The following ATP8B4 variants were observed in gnomAD, a reference collection of about 807,000 sequenced individuals.
ATP8B4 encodes the protein ATPase phospholipid transporting 8B4 (putative).
Under a neutral mutation model 145.6 loss-of-function variants are expected in ATP8B4, and 133 were observed. The ratio of observed to expected loss-of-function variants is 0.91; its 90% CI spans 0.79 to 1.05. The LOEUF is 1.05. Ranked by LOEUF, ATP8B4 falls within the 50% of genes least tolerant of loss-of-function variation. The pLI, the probability that ATP8B4 is intolerant of heterozygous loss-of-function variation, is 0.00. For missense variants in ATP8B4, 1,458 were observed against 1,425.2 expected (o/e 1.02, Z -0.37); for synonymous variants, 507 against 492.9 (o/e 1.03, Z -0.38).
chr15:50,037,750 G>A (rs557118304), intron 6 of ATP8B4, among the ~76,000 whole-genome samples: 1 of 152,290 alleles, frequency 6.6e-6, no homozygotes, highest in South Asian at 2.1e-4. Flanking sequence ...CCAAGGCTCT[G>A]TCTCTACAAC....
At chr15:49,948,880 A>T (rs1048961738) in intron 14 of ATP8B4, among the ~76,000 whole-genome samples, 2 of 152,036 alleles carry the variant, frequency 1.3e-5, no homozygotes, top group African/African-American at 4.8e-5. Context: ...GCCCATGTCT[A>T]TGTCTTGAAT....
At chr15:50,014,089 C>G (rs1360739805) in intron 6 of ATP8B4, among the ~76,000 whole-genome samples, 1 of 152,158 alleles carries the variant, frequency 6.6e-6, no homozygotes, top group Non-Finnish European at 1.5e-5. Context: ...TCAAGGTCAT[C>G]CTTTCCATGT....
At chr15:49,876,191 C>T in intron 25 of ATP8B4, 87 bp downstream of exon 25, 4 of 1,507,660 alleles carry the variant, frequency 2.7e-6, no homozygotes, top group Non-Finnish European at 2.7e-6. Context: ...GATTATTTCC[C>T]CCCAACAAGT....
At chr15:50,096,933 A>G (rs920948364) in intron 2 of ATP8B4, among the ~76,000 whole-genome samples, 3 of 152,206 alleles carry the variant, frequency 2.0e-5, no homozygotes, top group African/African-American at 7.2e-5. Flanking sequence ...GCACTGTCTT[A>G]TGTATGTCAC....
chr15:49,980,261 T>C (rs1196481482), intron 11 of ATP8B4, among the ~76,000 whole-genome samples: 1 of 152,174 alleles, frequency 6.6e-6, no homozygotes. Context: ...ATTACCTTCT[T>C]TCCTTATTCA....
intron 6 of ATP8B4, among the ~76,000 whole-genome samples, chr15:50,030,542 G>A (rs1040469057): frequency 6.6e-6 from 1 of 152,102 alleles, no homozygotes; most frequent in Non-Finnish European, 1.5e-5. Flanking sequence ...GCCAAAAACT[G>A]AGGAGAACTT....
intron 2 of ATP8B4, among the ~76,000 whole-genome samples, chr15:50,105,435 A>G (rs1036873313): frequency 6.6e-6 from 1 of 152,076 alleles, no homozygotes; most frequent in African/African-American, 2.4e-5. Context: ...AAAATTCAAC[A>G]TTTTCAAAAT....
At chr15:49,964,760 G>A (rs1266544296) in intron 13 of ATP8B4, among the ~76,000 whole-genome samples, 2 of 152,116 alleles carry the variant, frequency 1.3e-5, no homozygotes, top group Non-Finnish European at 2.9e-5. Flanking sequence ...AAAGTCAAGA[G>A]CCTTCTCCAA....
intron 3 of ATP8B4, among the ~76,000 whole-genome samples, chr15:50,058,258 T>A (rs2052748789): frequency 6.6e-6 from 1 of 152,122 alleles, no homozygotes; most frequent in Non-Finnish European, 1.5e-5. Flanking sequence ...GCTTTAGGGA[T>A]CTTGTATGAT....
Position 49,979,793 on chromosome 15 carries a change from G to C in ATP8B4, c.858C>G (p.Cys286Trp). ...LVLWIFGFLI[C>W]LGIILAIGNS... ...TTCCTATTGCAAGAATAATTCCCAAGCATATCAGAAACCCAAAAATCTGAA... is the reference window on the plus strand; with the variant it reads ...TTCCTATTGCAAGAATAATTCCCAACCATATCAGAAACCCAAAAATCTGAA... Residue 286 changes from cysteine (C) to tryptophan (W), a missense_variant, in exon 12 of 28, where the codon TGC becomes TGG. Transcript: ENST00000284509. The C allele has an allele frequency of 6.3e-6, 10 of 1,591,426 alleles. No homozygotes were observed. Among genetic ancestry groups the C allele is most frequent in the Non-Finnish European group, 8.6e-6 (10 of 1,166,882 alleles).
intron 18 of ATP8B4, among the ~76,000 whole-genome samples, chr15:49,919,510 C>T (rs1282553394): frequency 3.3e-5 from 5 of 152,084 alleles, no homozygotes; most frequent in African/African-American, 4.8e-5. Context: ...CTCCGCCTCC[C>T]GGGTTCACAC....
chr15:50,014,390 A>C (rs2048938797), intron 6 of ATP8B4, among the ~76,000 whole-genome samples: 1 of 152,186 alleles, frequency 6.6e-6, no homozygotes. Context: ...GCACTCAGTA[A>C]GTATGCAGTG....
At chr15:49,941,730 A>G (rs528415487) in intron 14 of ATP8B4, among the ~76,000 whole-genome samples, 1 of 152,302 alleles carries the variant, frequency 6.6e-6, no homozygotes, top group Admixed American at 6.5e-5. Context: ...ATAAAAAGAC[A>G]CCTGCACACA....
At chr15:49,969,813 CA>C (rs1441057074) in intron 13 of ATP8B4, among the ~76,000 whole-genome samples, 3 of 152,046 alleles carry the variant, frequency 2.0e-5, no homozygotes, top group Non-Finnish European at 4.4e-5. Flanking sequence ...GGAAGAGACA[CA>C]ACAAAAAAAG....
chr15:49,860,175 G>C lies in ATP8B4; in HGVS notation c.*19C>G. 6.3e-7 allele frequency: 1 copy of C among 1,590,992 alleles called. No individual in the cohort carries two copies. The highest frequency in any genetic ancestry group is 8.6e-7 in the Non-Finnish European group (1 of 1,168,356). Reference sequence around the variant, plus strand: ...ACCTGAAGTGAAAAGATAACTACGTGGTTTAAATTCATATTGACTCACAGT... The same window carrying C: ...ACCTGAAGTGAAAAGATAACTACGTCGTTTAAATTCATATTGACTCACAGT... On this transcript the variant is annotated 3_prime_UTR_variant, in exon 28 of 28. Coordinates refer to ENST00000284509, the MANE Select transcript of ATP8B4 (RefSeq NM_024837.4).
chr15:49,860,544 G>T, intron 27 of ATP8B4, 69 bp from the exon 28 acceptor site: 1 of 1,460,440 alleles, frequency 6.8e-7, no homozygotes. Flanking sequence ...GGCCCACTTT[G>T]TAAAGTGAAA....
chr15:49,883,948 T>C (rs1335199572), intron 23 of ATP8B4, among the ~76,000 whole-genome samples: 2 of 152,194 alleles, frequency 1.3e-5, no homozygotes, highest in Non-Finnish European at 2.9e-5. Flanking sequence ...ATATGTGACA[T>C]CACAGCTGGT....
intron 14 of ATP8B4, among the ~76,000 whole-genome samples, chr15:49,959,859 G>C (rs1028638136): frequency 6.6e-6 from 1 of 151,912 alleles, no homozygotes; most frequent in Non-Finnish European, 1.5e-5. Flanking sequence ...ACATCATAAG[G>C]ATATTAACAC....
intron 2 of ATP8B4, among the ~76,000 whole-genome samples, chr15:50,098,767 T>A (rs1021141773): frequency 6.6e-6 from 1 of 152,112 alleles, no homozygotes; most frequent in African/African-American, 2.4e-5. Flanking sequence ...AGTATGCATA[T>A]CTGATTCAGG....
Sources: gnomAD v4.1 joint callset for allele counts (sites outside exome capture counted in the v4.1 genomes callset) on GRCh38, gnomAD v4.1.1 for gene constraint, MANE v1.5 for transcripts, NCBI Gene and HGNC (gene_info 2026-07-23, HGNC 2026-07-21) for gene names.